The following PARD3B variants were observed in gnomAD, a reference collection of about 807,000 sequenced individuals.
PARD3B encodes par-3 family cell polarity regulator beta.
PARD3B carries 103 observed loss-of-function variants against 130.2 expected under a neutral mutation model. That is an observed-to-expected ratio of 0.79 (90% CI 0.67 to 0.93). The LOEUF (loss-of-function observed/expected upper bound fraction) is 0.93. Among genes scored for constraint, PARD3B ranks in the 40% least tolerant of loss-of-function variants. The pLI is 0.00. For missense variants in PARD3B, 1,609 were observed against 1,499.2 expected, an observed-to-expected ratio of 1.07 and a Z score of -1.21; for synonymous variants, 583 against 553.2, an observed-to-expected ratio of 1.05 and a Z score of -0.76.
At chr2:205,410,426 T>C (rs2106048911) in intron 19 of PARD3B, among the ~76,000 whole-genome samples, 1 of 152,272 alleles carries the variant, frequency 6.6e-6, no homozygotes, top group Non-Finnish European at 1.5e-5. Context: ...TTCATTTTCG[T>C]GGCATTGGAT....
intron 11 of PARD3B, among the ~76,000 whole-genome samples, chr2:205,161,913 G>A (rs1317958162): frequency 6.6e-6 from 1 of 152,178 alleles, no homozygotes. Flanking sequence ...TGTGCATTCT[G>A]TGTGCTGGAT....
intron 15 of PARD3B, among the ~76,000 whole-genome samples, chr2:205,242,905 G>A (rs1481563400): frequency 2.0e-5 from 3 of 152,034 alleles, no homozygotes; most frequent in African/African-American, 7.2e-5. Context: ...AGTGGTTCAC[G>A]CCTGTAATCC....
At chr2:204,916,268 T>G (rs1484382979) in intron 2 of PARD3B, among the ~76,000 whole-genome samples, 1 of 152,222 alleles carries the variant, frequency 6.6e-6, no homozygotes, top group Non-Finnish European at 1.5e-5. Flanking sequence ...AAAACATTAT[T>G]TCACTGACTG....
rs930446184 is a variant in PARD3B, at chr2:205,445,209, T to C, written c.3044+4537T>C. Among the ~76,000 whole-genome samples the C allele has an allele frequency of 3.9e-5, 6 of 152,300 alleles. No individual in the cohort carries two copies. The East Asian group carries it at 1.2e-3, about 29-fold the overall frequency. On this transcript the variant is annotated intron_variant, in intron 20 of 22. Transcript: ENST00000406610. ...CACACAGCATGGAATCAGGACTTTA[T>C]CCTAGATCTCTGTGTTCTACAGTCT...
intron 2 of PARD3B, among the ~76,000 whole-genome samples, chr2:204,902,684 A>T (rs892268623): frequency 1.1e-4 from 17 of 151,702 alleles, no homozygotes; most frequent in Admixed American, 1.1e-3. Flanking sequence ...AAAAAAAAAA[A>T]AAAAAAAAGA....
chr2:205,545,377 G>C (rs571381781), intron 21 of PARD3B, among the ~76,000 whole-genome samples: 2 of 152,268 alleles, frequency 1.3e-5, no homozygotes, highest in South Asian at 4.1e-4. Context: ...AACTAGGTAA[G>C]AGCAATGGAA....
chr2:204,580,164 AAAAGT>A (rs2032477676), intron 1 of PARD3B, among the ~76,000 whole-genome samples: 1 of 152,204 alleles, frequency 6.6e-6, no homozygotes, highest in Non-Finnish European at 1.5e-5. Flanking sequence ...TGTGGATGTG[AAAAGT>A]AAAGAGACAG....
At position 204,639,955 on chromosome 2, in the gene PARD3B, C is replaced by T. The variant is rs550522096; in HGVS notation, c.121-46226C>T. 2.0e-5 allele frequency among the ~76,000 whole-genome samples: 3 copies of T among 152,218 alleles called. No individual in the cohort carries two copies. The South Asian group carries it at 6.2e-4, about 32-fold the overall frequency. On this transcript the variant is annotated intron_variant, in intron 1 of 22. Coordinates refer to ENST00000406610, the MANE Select transcript of PARD3B (RefSeq NM_001302769.2). ...CCAAGTTGTGTATCTTCTACTTGCC[C>T]TTATAAATATACTCGTTGCTGGGCA...
intron 22 of PARD3B, among the ~76,000 whole-genome samples, chr2:205,567,911 G>A (rs2053416917): frequency 6.6e-6 from 1 of 152,128 alleles, no homozygotes; most frequent in Non-Finnish European, 1.5e-5. Flanking sequence ...AGGAGGGCTG[G>A]GGTCTTCTGG....
Position 205,505,139 on chromosome 2 carries a change from G to A in PARD3B, c.3180+5108G>A, listed in dbSNP as rs191153179. 1.9e-3 allele frequency among the ~76,000 whole-genome samples: 292 copies of A among 151,486 alleles called. 2 individuals carry two copies. The highest frequency in any genetic ancestry group is 6.6e-3 in the African/African-American group (272 of 41,254). On this transcript the variant is annotated intron_variant, in intron 21 of 22. Coordinates refer to ENST00000406610, the MANE Select transcript of PARD3B (RefSeq NM_001302769.2). Reference sequence around the variant, plus strand: ...ATCATTCTCAGCAAACTATCGCAAGGACAGAAAACCAAACACCGCATGTTC... The same window carrying A: ...ATCATTCTCAGCAAACTATCGCAAGAACAGAAAACCAAACACCGCATGTTC...
At position 204,623,251 on chromosome 2, in the gene PARD3B, A is replaced by G. The variant is rs577358495; in HGVS notation, c.121-62930A>G. On this transcript the variant is annotated intron_variant, in intron 1 of 22. Transcript: ENST00000406610. The surrounding 1 kb of genome is among the most constrained non-coding windows in gnomAD (Gnocchi z 4.5). ...TTCACTGGTTGAGTGTTAAATAGCT[A>G]TAGGACAATATCAAAACCAGCATAA... Among the ~76,000 whole-genome samples, 2 of 152,298 alleles carry G rather than the reference A, an allele frequency of 1.3e-5. No homozygotes were observed. The highest frequency in any genetic ancestry group is 1.3e-4 in the Admixed American group (2 of 15,284).
At chr2:204,571,221 T>G (rs1017260220) in intron 1 of PARD3B, among the ~76,000 whole-genome samples, 1 of 152,208 alleles carries the variant, frequency 6.6e-6, no homozygotes, top group Non-Finnish European at 1.5e-5. Flanking sequence ...CATCTGGCCC[T>G]GGGGATAGCC....
At chr2:204,853,155 A>G (rs145259009) in intron 2 of PARD3B, among the ~76,000 whole-genome samples, 1 of 152,276 alleles carries the variant, frequency 6.6e-6, no homozygotes, top group African/African-American at 2.4e-5. Flanking sequence ...ATCATTCATC[A>G]AATTTTATCA....
chr2:205,172,473 T>A, intron 12 of PARD3B, 92 bp downstream of exon 12: 2 of 1,316,154 alleles, frequency 1.5e-6, no homozygotes, highest in Non-Finnish European at 2.1e-6. Flanking sequence ...TAGATTCATA[T>A]CGAGAAAATA....
intron 21 of PARD3B, among the ~76,000 whole-genome samples, chr2:205,538,592 C>A (rs1042622366): frequency 4.6e-5 from 7 of 152,056 alleles, no homozygotes; most frequent in South Asian, 2.1e-4. Flanking sequence ...AGTAAGAGTT[C>A]TCTCTCTATA....
intron 1 of PARD3B, among the ~76,000 whole-genome samples, chr2:204,552,633 C>T (rs2030544244): frequency 6.6e-6 from 1 of 152,130 alleles, no homozygotes; most frequent in South Asian, 2.1e-4. Flanking sequence ...AGTTTCAGGT[C>T]TTAGATTTAA....
chr2:204,922,095 C>T (rs2047703221), intron 2 of PARD3B, among the ~76,000 whole-genome samples: 1 of 152,056 alleles, frequency 6.6e-6, no homozygotes, highest in Admixed American at 6.6e-5. Context: ...ATTTAGTTTG[C>T]ATTATGCTGA....
At chr2:205,267,087 A>G (rs1422874887) in intron 16 of PARD3B, among the ~76,000 whole-genome samples, 1 of 152,198 alleles carries the variant, frequency 6.6e-6, no homozygotes, top group Non-Finnish European at 1.5e-5. Context: ...AGTCTAGCTC[A>G]TTGTGAAATT....
intron 19 of PARD3B, among the ~76,000 whole-genome samples, chr2:205,431,678 C>T (rs974684644): frequency 4.6e-5 from 7 of 151,942 alleles, no homozygotes; most frequent in African/African-American, 1.7e-4. Flanking sequence ...ACTATGTTGG[C>T]CAGGATGGTC....
Sources: gnomAD v4.1 joint callset for allele counts (sites outside exome capture counted in the v4.1 genomes callset) on GRCh38, gnomAD v4.1.1 for gene constraint, Gnocchi (gnomAD v3.1) non-coding constraint, MANE v1.5 for transcripts, NCBI Gene and HGNC (gene_info 2026-07-23, HGNC 2026-07-21) for gene names.